NXPH1: variants seen among roughly 807,000 people sequenced by gnomAD.
The protein encoded by NXPH1 is neurexophilin-1.
A neutral mutation model predicts 23.7 loss-of-function variants in NXPH1; 5 were observed. The ratio of observed to expected loss-of-function variants is 0.21; its 90% confidence interval spans 0.11 to 0.44. NXPH1 has a LOEUF of 0.44. NXPH1 is among the 20% of genes least tolerant of loss of function. The probability of loss-of-function intolerance (pLI) is 0.99; values close to 1 mark genes in which losing one functional copy is unlikely to be tolerated. For synonymous variants in NXPH1, 144 were observed against 122.2 expected, an observed-to-expected ratio of 1.18 and a Z score of -1.18; for missense variants, 324 against 321.6, an observed-to-expected ratio of 1.01 and a Z score of -0.06.
intron 2 of NXPH1, among the ~76,000 whole-genome samples, chr7:8,591,997 A>T (rs1031100710): frequency 1.3e-5 from 2 of 151,962 alleles, no homozygotes; most frequent in Admixed American, 6.6e-5. Context: ...AGCCAGGCAT[A>T]TGATGGTGAC....
intron 2 of NXPH1, among the ~76,000 whole-genome samples, chr7:8,589,176 A>G (rs746809942): frequency 2.6e-5 from 4 of 152,114 alleles, no homozygotes; most frequent in Non-Finnish European, 5.9e-5. Flanking sequence ...AAAGGAGGCT[A>G]TAGGTGAATA....
chr7:8,489,522 G>C (rs1457399496), intron 2 of NXPH1, among the ~76,000 whole-genome samples: 1 of 152,094 alleles, frequency 6.6e-6, no homozygotes, highest in East Asian at 1.9e-4. Flanking sequence ...GCTAATGGTT[G>C]AGTGGGTGGT....
chr7:8,660,723 A>T (rs1820657279), intron 2 of NXPH1, among the ~76,000 whole-genome samples: 1 of 152,194 alleles, frequency 6.6e-6, no homozygotes, highest in Non-Finnish European at 1.5e-5. Flanking sequence ...ATTGAAGCAG[A>T]ACTATCAGAC....
intron 2 of NXPH1, among the ~76,000 whole-genome samples, chr7:8,567,839 T>C (rs987185270): frequency 6.6e-5 from 10 of 151,828 alleles, no homozygotes; most frequent in African/African-American, 2.2e-4. Flanking sequence ...ATGATTTCAC[T>C]GGACTAATTT....
At chr7:8,654,676 C>T (rs1820545203) in intron 2 of NXPH1, among the ~76,000 whole-genome samples, 1 of 152,132 alleles carries the variant, frequency 6.6e-6, no homozygotes. Context: ...TCTTTGCATC[C>T]TCACTCAAGC....
intron 2 of NXPH1, among the ~76,000 whole-genome samples, chr7:8,504,133 T>A (rs1817483948): frequency 6.6e-6 from 1 of 152,004 alleles, no homozygotes; most frequent in African/African-American, 2.4e-5. Flanking sequence ...CCATCTTAGA[T>A]GTCCCTCTTT....
At chr7:8,582,904 C>T (rs1174354839) in intron 2 of NXPH1, among the ~76,000 whole-genome samples, 1 of 152,208 alleles carries the variant, frequency 6.6e-6, no homozygotes, top group East Asian at 1.9e-4. Context: ...TCAATGGCAC[C>T]CAGGCTGTTC....
At chr7:8,655,845 A>G (rs1820573731) in intron 2 of NXPH1, among the ~76,000 whole-genome samples, 2 of 152,180 alleles carry the variant, frequency 1.3e-5, no homozygotes, top group South Asian at 2.1e-4. Flanking sequence ...TCCCTTTCAT[A>G]TATCAACTCC....
rs879684967 is a variant in NXPH1, at chr7:8,517,196, T to C, written c.54+81429T>C. On this transcript the variant is annotated intron_variant, in intron 2 of 2. Coordinates refer to ENST00000405863, the MANE Select transcript of NXPH1 (RefSeq NM_152745.3). ...CTCAGCAGTGAGCAACAGTGGCGGG[T>C]GACTAGGCTGTTACAGGGGAAGGAC... Among the ~76,000 whole-genome samples the C allele has an allele frequency of 1.0e-2, 1,506 of 151,072 alleles. 16 individuals carry two copies. The highest frequency in any genetic ancestry group is 0.016 in the Non-Finnish European group (1,094 of 67,542).
intron 2 of NXPH1, among the ~76,000 whole-genome samples, chr7:8,575,445 T>G (rs1048880356): frequency 1.3e-5 from 2 of 152,210 alleles, no homozygotes; most frequent in African/African-American, 4.8e-5. Context: ...AAATTTGGAG[T>G]TCATGTTTAG....
chr7:8,668,818 G>C (rs750731326), intron 2 of NXPH1, among the ~76,000 whole-genome samples: 1 of 152,224 alleles, frequency 6.6e-6, no homozygotes, highest in Non-Finnish European at 1.5e-5. Flanking sequence ...CCTGGAGCCT[G>C]GGTCTGCAGG....
At chr7:8,518,214 T>G (rs1817717874) in intron 2 of NXPH1, among the ~76,000 whole-genome samples, 1 of 152,152 alleles carries the variant, frequency 6.6e-6, no homozygotes, top group South Asian at 2.1e-4. Context: ...CTTATTTTCT[T>G]CCATATTAAG....
intron 2 of NXPH1, among the ~76,000 whole-genome samples, chr7:8,534,560 G>C (rs1251086636): frequency 1.3e-5 from 2 of 152,132 alleles, no homozygotes; most frequent in Non-Finnish European, 2.9e-5. Context: ...TAAAAGCATA[G>C]TATGTAAAAT....
chr7:8,710,597 G>C (rs1583240952), intron 2 of NXPH1, among the ~76,000 whole-genome samples: 1 of 147,890 alleles, frequency 6.8e-6, no homozygotes, highest in African/African-American at 2.5e-5. Context: ...AATCTTTTCA[G>C]GTTTTTCTAC....
intron 2 of NXPH1, among the ~76,000 whole-genome samples, chr7:8,481,189 G>A (rs1253573140): frequency 2.0e-5 from 3 of 152,106 alleles, no homozygotes; most frequent in African/African-American, 4.8e-5. Flanking sequence ...GATTATACTG[G>A]TCAACTCCTT....
chr7:8,444,998 C>G (rs1301766642), intron 2 of NXPH1, among the ~76,000 whole-genome samples: 1 of 152,166 alleles, frequency 6.6e-6, no homozygotes, highest in Non-Finnish European at 1.5e-5. Context: ...CAACACAATA[C>G]TAGGACTGTA....
chr7:8,694,563 C>A (rs1483196550), intron 2 of NXPH1, among the ~76,000 whole-genome samples: 1 of 152,160 alleles, frequency 6.6e-6, no homozygotes, highest in Admixed American at 6.5e-5. Flanking sequence ...TATTTCATTT[C>A]TCCTTAAACG....
rs1167571005 is a variant in NXPH1 at position 8,751,088 on chromosome 7, A to G, written c.135A>G (p.Ile45Met). The G allele has an allele frequency of 6.2e-7, 1 of 1,613,758 alleles. No homozygotes were observed. The highest frequency in any genetic ancestry group is 8.5e-7 in the Non-Finnish European group (1 of 1,179,802). ...SGSSKSTLKH[I>M]WTESSKDLSI... ...GCAGCAAATCCACACTAAAGCACATATGGACAGAAAGCAGCAAAGACTTGT... is the reference window on the plus strand; with the variant it reads ...GCAGCAAATCCACACTAAAGCACATGTGGACAGAAAGCAGCAAAGACTTGT... The change falls in exon 3 of 3, where the codon ATA (isoleucine) becomes ATG (methionine). Residue 45 changes from isoleucine (I) to methionine (M), a missense_variant. Transcript: ENST00000405863. This position sits in a 1 kb window ranked among gnomAD's most constrained non-coding sequence, Gnocchi z 4.5.
At chr7:8,536,142 G>GT (rs1818021708) in intron 2 of NXPH1, among the ~76,000 whole-genome samples, 1 of 152,052 alleles carries the variant, frequency 6.6e-6, no homozygotes, top group Non-Finnish European at 1.5e-5. Context: ...CTAAGATCAT[G>GT]TTGCTCTGTT....
Sources: allele counts gnomAD v4.1 joint callset (sites outside exome capture counted in the v4.1 genomes callset), GRCh38; gene constraint gnomAD v4.1.1; non-coding constraint Gnocchi (gnomAD v3.1); transcripts MANE v1.5; gene names NCBI Gene and HGNC (gene_info 2026-07-23, HGNC 2026-07-21).